The following PRR5L variants were observed in gnomAD, a reference collection of about 807,000 sequenced individuals.
PRR5L encodes proline-rich protein 5-like.
In PRR5L, 21 loss-of-function variants were observed where a neutral mutation model predicts 36.4. The ratio of observed to expected loss-of-function variants is 0.58; its 90% CI spans 0.41 to 0.83. The LOEUF (loss-of-function observed/expected upper bound fraction) is 0.83, where lower values mean the gene tolerates loss of function less well. Ranked by LOEUF, PRR5L falls within the 40% of genes least tolerant of loss-of-function variation. PRR5L has a pLI of 0.00. For missense variants in PRR5L, 381 were observed against 473.3 expected (o/e 0.80, Z 1.81); for synonymous variants, 188 against 197.0 (o/e 0.95, Z 0.38).
rs189016556 is a variant in PRR5L at position 36,421,830 on chromosome 11, T to C, written c.294+2527T>C. On this transcript the variant is annotated intron_variant, in intron 4 of 8. Coordinates refer to ENST00000530639, the MANE Select transcript of PRR5L (RefSeq NM_001160167.2). ...CTAGAGAGGATCTTGAGTTGTACCA[T>C]GGTGTCCTCTCCCCTCCTCCAGGAC... is the stretch of plus-strand genomic sequence containing the variant. Among the ~76,000 whole-genome samples the C allele has an allele frequency of 2.8e-3, 421 of 152,336 alleles. 3 individuals carry two copies. Among genetic ancestry groups the C allele is most frequent in the African/African-American group, 9.6e-3 (400 of 41,572 alleles).
At chr11:36,398,169 A>G (rs533934795) in intron 1 of PRR5L, among the ~76,000 whole-genome samples, 1 of 152,254 alleles carries the variant, frequency 6.6e-6, no homozygotes, top group South Asian at 2.1e-4. Flanking sequence ...GGAGCTGGGG[A>G]ACATGCTCAA....
intron 1 of PRR5L, among the ~76,000 whole-genome samples, chr11:36,370,865 T>C (rs1280290715): frequency 1.9e-5 from 2 of 103,172 alleles, no homozygotes; most frequent in South Asian, 3.4e-4. Flanking sequence ...TGGGCAACAG[T>C]GGGAGACTCC....
chr11:36,386,368 G>A (rs1857456810), intron 1 of PRR5L, among the ~76,000 whole-genome samples: 1 of 152,190 alleles, frequency 6.6e-6, no homozygotes, highest in African/African-American at 2.4e-5. Flanking sequence ...TATGTGCTCA[G>A]TACTATGCTA....
intron 1 of PRR5L, among the ~76,000 whole-genome samples, chr11:36,306,023 A>T (rs2133451239): frequency 6.6e-6 from 1 of 152,284 alleles, no homozygotes; most frequent in African/African-American, 2.4e-5. Context: ...CTTAGCCAGG[A>T]ATCTCCTTTC....
chr11:36,341,568 C>T (rs16928699), intron 1 of PRR5L, among the ~76,000 whole-genome samples: 5,241 of 152,248 alleles, frequency 0.034, 137 homozygotes, highest in Non-Finnish European at 0.053. Context: ...GTAAGCAGAG[C>T]CATTAAGACC....
chr11:36,318,309 C>G (rs1354830947), intron 1 of PRR5L, among the ~76,000 whole-genome samples: 6 of 152,152 alleles, frequency 3.9e-5, no homozygotes, highest in African/African-American at 1.4e-4. Context: ...ATTTACCTAT[C>G]TTTGCTTTAC....
intron 1 of PRR5L, among the ~76,000 whole-genome samples, chr11:36,325,087 G>T (rs1856647244): frequency 6.6e-6 from 1 of 152,194 alleles, no homozygotes; most frequent in African/African-American, 2.4e-5. Context: ...TCTGACCTGG[G>T]GTTCTTGGCC....
chr11:36,457,625 CAAAA>C (rs1416813065), intron 8 of PRR5L, among the ~76,000 whole-genome samples: 1 of 150,878 alleles, frequency 6.6e-6, no homozygotes, highest in Non-Finnish European at 1.5e-5. Flanking sequence ...AAAAACAAAA[CAAAA>C]AACAAAACAA....
At chr11:36,355,180 G>A (rs985428511) in intron 1 of PRR5L, among the ~76,000 whole-genome samples, 5 of 152,172 alleles carry the variant, frequency 3.3e-5, no homozygotes, top group Non-Finnish European at 7.3e-5. Flanking sequence ...TCCACTTTAA[G>A]GAAGGATGTC....
chr11:36,369,864 T>G (rs1238244693), intron 1 of PRR5L, among the ~76,000 whole-genome samples: 1 of 152,220 alleles, frequency 6.6e-6, no homozygotes, highest in East Asian at 1.9e-4. Flanking sequence ...CCCAAAATGC[T>G]GGGATTACAG....
chr11:36,329,308 A>G (rs745435307), intron 1 of PRR5L: 1 of 152,188 alleles, frequency 6.6e-6, no homozygotes, highest in African/African-American at 2.4e-5. Context: ...AGTTATATCA[A>G]TCCATCCAGT....
At chr11:36,332,455 A>T (rs907382415) in intron 1 of PRR5L, among the ~76,000 whole-genome samples, 4 of 152,174 alleles carry the variant, frequency 2.6e-5, no homozygotes, top group African/African-American at 9.7e-5. Flanking sequence ...GACCCTGTTA[A>T]TCTACTATAT....
intron 1 of PRR5L, chr11:36,328,988 G>A (rs1166451465): frequency 6.6e-6 from 1 of 152,280 alleles, no homozygotes; most frequent in African/African-American, 2.4e-5. Context: ...GGTGCAGGTG[G>A]GAGTTAGGCC....
rs115942509 is a variant in PRR5L at position 36,408,724 on chromosome 11, G to A, written c.245+5346G>A. Among the ~76,000 whole-genome samples the A allele has an allele frequency of 4.0e-3, 602 of 152,276 alleles. 4 individuals are homozygous for A. The highest frequency in any genetic ancestry group is 0.014 in the African/African-American group (576 of 41,564). On this transcript the variant is annotated intron_variant, in intron 3 of 8. Coordinates refer to ENST00000530639, the MANE Select transcript of PRR5L (RefSeq NM_001160167.2). ...AACAAGAGCAGCTAAGCTGACACAA[G>A]AGCACACTCTCCCTAAACAGTCTTT...
intron 1 of PRR5L, among the ~76,000 whole-genome samples, chr11:36,341,398 T>C (rs971582339): frequency 1.3e-5 from 2 of 152,210 alleles, no homozygotes; most frequent in Non-Finnish European, 1.5e-5. Context: ...AGATATTCAC[T>C]GGGTACTTCG....
At chr11:36,355,637 C>A (rs1409627746) in intron 1 of PRR5L, among the ~76,000 whole-genome samples, 1 of 151,292 alleles carries the variant, frequency 6.6e-6, no homozygotes, top group African/African-American at 2.4e-5. Flanking sequence ...GCAACCTCTG[C>A]CTCCTGGGTT....
chr11:36,405,002 TATAA>T (rs753596273), intron 3 of PRR5L, among the ~76,000 whole-genome samples: 33 of 152,184 alleles, frequency 2.2e-4, no homozygotes, highest in Non-Finnish European at 3.7e-4. Context: ...ACAATAGAAG[TATAA>T]ATAAATAAAA....
chr11:36,450,615 A>G (rs980085836), intron 7 of PRR5L, among the ~76,000 whole-genome samples: 14 of 152,172 alleles, frequency 9.2e-5, no homozygotes, highest in Admixed American at 9.2e-4. Context: ...CCTTTCTCTT[A>G]TAGCCCTGAA....
At chr11:36,330,294 C>A (rs917979179) in intron 1 of PRR5L, among the ~76,000 whole-genome samples, 3 of 152,130 alleles carry the variant, frequency 2.0e-5, no homozygotes, top group African/African-American at 7.2e-5. Context: ...AGAGAACTAA[C>A]AATATTCCAA....
Sources: allele counts gnomAD v4.1 joint callset (sites outside exome capture counted in the v4.1 genomes callset), GRCh38; gene constraint gnomAD v4.1.1; transcripts MANE v1.5; gene names NCBI Gene and HGNC (gene_info 2026-07-23, HGNC 2026-07-21).